The following LRRC3B variants were observed in gnomAD, a reference collection of about 807,000 sequenced individuals.
LRRC3B encodes the protein leucine-rich repeat-containing protein 3B.
Under a neutral mutation model 12.8 loss-of-function variants are expected in LRRC3B, and 2 were observed. That is an observed-to-expected ratio of 0.16 (90% CI 0.06 to 0.49). The LOEUF (loss-of-function observed/expected upper bound fraction) is 0.49. LRRC3B is among the 20% of genes least tolerant of loss of function. The pLI is 0.96. For missense variants in LRRC3B, 189 were observed against 319.4 expected (o/e 0.59, Z 3.11); for synonymous variants, 132 against 122.0 (o/e 1.08, Z -0.54).
intron 1 of LRRC3B, among the ~76,000 whole-genome samples, chr3:26,665,282 G>A (rs889784375): frequency 3.3e-5 from 5 of 152,046 alleles, no homozygotes; most frequent in African/African-American, 1.2e-4. Context: ...TGAAAGACTG[G>A]CTTATCTCAG....
chr3:26,646,044 C>T (rs1020046533), intron 1 of LRRC3B, among the ~76,000 whole-genome samples: 137 of 152,108 alleles, frequency 9.0e-4, no homozygotes, highest in African/African-American at 3.1e-3. Flanking sequence ...CGCTTGTTTC[C>T]TTGTTCTCTT....
rs1158227284 is a variant in LRRC3B at position 26,691,002 on chromosome 3, C to G, written c.-160-18511C>G. On this transcript the variant is annotated intron_variant, in intron 1 of 1. Coordinates refer to ENST00000396641, the Ensembl canonical transcript of LRRC3B. ...TGTCATTTTCTTTAGGGAACAAGGA[C>G]TTAAGCTTTTATATACTTACATATA... 6.7e-5 allele frequency among the ~76,000 whole-genome samples: 10 copies of G among 148,674 alleles called. No homozygotes were observed. The South Asian group carries it at 1.9e-3, about 28-fold the overall frequency.
intron 1 of LRRC3B, among the ~76,000 whole-genome samples, chr3:26,676,793 G>A (rs984065059): frequency 2.0e-5 from 3 of 152,204 alleles, no homozygotes; most frequent in African/African-American, 7.2e-5. Context: ...GCACACGTAT[G>A]TTTCTTGAGG....
intron 1 of LRRC3B, among the ~76,000 whole-genome samples, chr3:26,636,982 C>T (rs376887278): frequency 0.057 from 6,888 of 121,212 alleles, 485 homozygotes; most frequent in East Asian, 0.26. Flanking sequence ...TTCTCTCTCT[C>T]TCTTTCTCTC....
At chr3:26,698,184 G>T (rs1700367184) in intron 1 of LRRC3B, among the ~76,000 whole-genome samples, 1 of 152,228 alleles carries the variant, frequency 6.6e-6, no homozygotes, top group East Asian at 1.9e-4. Flanking sequence ...CTGACTGAGA[G>T]TTTATCTTGT....
At chr3:26,691,708 G>A (rs147714050) in intron 1 of LRRC3B, among the ~76,000 whole-genome samples, 138 of 152,294 alleles carry the variant, frequency 9.1e-4, no homozygotes, top group African/African-American at 3.1e-3. Context: ...AATGAAATGG[G>A]GGAGAGCACT....
chr3:26,627,072 A>T (rs1698643517), intron 1 of LRRC3B, among the ~76,000 whole-genome samples: 1 of 152,230 alleles, frequency 6.6e-6, no homozygotes, highest in Non-Finnish European at 1.5e-5. Context: ...AGAAAGAGGA[A>T]AAATAGTTCT....
At chr3:26,702,322 T>C in intron 1 of LRRC3B, among the ~76,000 whole-genome samples, 1 of 152,296 alleles carries the variant, frequency 6.6e-6, no homozygotes, top group East Asian at 1.9e-4. Flanking sequence ...TATTCTCTGT[T>C]CCTCATGCAT....
chr3:26,698,527 T>A (rs780528430), intron 1 of LRRC3B, among the ~76,000 whole-genome samples: 7 of 152,026 alleles, frequency 4.6e-5, no homozygotes, highest in African/African-American at 7.2e-5. Context: ...CTTTTTTGCA[T>A]CACCAAAAAA....
At position 26,695,224 on chromosome 3, in the gene LRRC3B, A is replaced by G. The variant is rs575210474; in HGVS notation, c.-160-14289A>G. Among the ~76,000 whole-genome samples the G allele has an allele frequency of 7.2e-5, 11 of 152,280 alleles. No individual in the cohort carries two copies. In the East Asian group the frequency reaches 1.9e-3, roughly 27 times the overall value. ...TATGACAAATATTTAGATTAATTCT[A>G]TTATTTTTTAAAAAATACTTCAGCT... On this transcript the variant is annotated intron_variant, in intron 1 of 1. Transcript: ENST00000396641.
At chr3:26,675,228 C>A (rs1372073121) in intron 1 of LRRC3B, among the ~76,000 whole-genome samples, 1 of 152,172 alleles carries the variant, frequency 6.6e-6, no homozygotes, top group East Asian at 1.9e-4. Context: ...CATTCAGGTA[C>A]AGCATATAAA....
rs1480789861 is a variant in LRRC3B at position 26,671,367 on chromosome 3, T to TAGAGAG, written c.-160-38145_-160-38144insGAGAGA. ...ATATGTGTGTATATATATATATATA[T>TAGAGAG]ATATATAGAGAGAGAGAGAGAGAGA... On this transcript the variant is annotated intron_variant, in intron 1 of 1. Transcript: ENST00000396641. Among the ~76,000 whole-genome samples, 83 of 40,292 alleles carry TAGAGAG rather than the reference T, an allele frequency of 2.1e-3. 1 individual carries two copies. The highest frequency in any genetic ancestry group is 0.02 in the East Asian group (13 of 656). 26.4% of individuals were successfully genotyped at this position (40,292 alleles called of 152,430 possible).
exon 2 of LRRC3B, chr3:26,710,223 C>A (rs1279254174): frequency 6.2e-7 from 1 of 1,613,618 alleles, no homozygotes; most frequent in Non-Finnish European, 8.5e-7. Context: ...GCTGGCAGAC[C>A]ATTCCTCAAT....
At chr3:26,706,904 G>A (rs530883979) in intron 1 of LRRC3B, among the ~76,000 whole-genome samples, 69 of 152,244 alleles carry the variant, frequency 4.5e-4, no homozygotes, top group Non-Finnish European at 6.6e-4. Context: ...AAGGAAAAGC[G>A]TACCTAGACT....
At chr3:26,705,551 C>A (rs997488340) in intron 1 of LRRC3B, among the ~76,000 whole-genome samples, 32 of 151,954 alleles carry the variant, frequency 2.1e-4, no homozygotes, top group African/African-American at 7.3e-4. Flanking sequence ...ACCAGTGTGA[C>A]CCCAGGCCCT....
chr3:26,643,060 G>A (rs940915943), intron 1 of LRRC3B, among the ~76,000 whole-genome samples: 6 of 151,530 alleles, frequency 4.0e-5, no homozygotes, highest in Non-Finnish European at 5.9e-5. Flanking sequence ...GTGTGGGCTG[G>A]TTTAGTCTGC....
exon 2 of LRRC3B, chr3:26,710,014 C>T: frequency 6.2e-7 from 1 of 1,614,092 alleles, no homozygotes; most frequent in Non-Finnish European, 8.5e-7. Flanking sequence ...TAGCTGAAAC[C>T]TTGCAGACTC....
chr3:26,687,811 A>T (rs969998400), intron 1 of LRRC3B, among the ~76,000 whole-genome samples: 1 of 152,174 alleles, frequency 6.6e-6, no homozygotes, highest in Non-Finnish European at 1.5e-5. Context: ...GACTGAGGAG[A>T]CAGATGGAAT....
chr3:26,683,171 C>A (rs960681564), intron 1 of LRRC3B, among the ~76,000 whole-genome samples: 9 of 152,198 alleles, frequency 5.9e-5, no homozygotes, highest in Non-Finnish European at 1.3e-4. Flanking sequence ...GGTGCATGTG[C>A]ATCCCTTGTC....
Sources: allele counts gnomAD v4.1 joint callset (sites outside exome capture counted in the v4.1 genomes callset), GRCh38; gene constraint gnomAD v4.1.1; transcripts MANE v1.5; gene names NCBI Gene and HGNC (gene_info 2026-07-23, HGNC 2026-07-21).